DGKH: variants seen among roughly 807,000 people sequenced by gnomAD.
DGKH encodes diacylglycerol kinase eta, also known as DAG kinase eta.
Under a neutral mutation model 159.3 loss-of-function variants are expected in DGKH, and 90 were observed. The observed-to-expected ratio is 0.57, with a 90% confidence interval of 0.48 to 0.67. The LOEUF is 0.67. Ranked by LOEUF, DGKH falls within the 30% of genes least tolerant of loss-of-function variation. The probability of loss-of-function intolerance (pLI) is 0.00; values close to 1 mark genes in which losing one functional copy is unlikely to be tolerated. For synonymous variants in DGKH, 536 were observed against 553.8 expected (o/e 0.97, Z 0.45); for missense variants, 1,181 against 1,506.1 (o/e 0.78, Z 3.57).
At chr13:42,097,069 C>T (rs769589697) in intron 1 of DGKH, among the ~76,000 whole-genome samples, 1 of 152,176 alleles carries the variant, frequency 6.6e-6, no homozygotes, top group Non-Finnish European at 1.5e-5. Flanking sequence ...TTTCCCCAGC[C>T]TTTCCCTCCG....
intron 7 of DGKH, among the ~76,000 whole-genome samples, chr13:42,165,025 C>T (rs1956277469): frequency 6.6e-6 from 1 of 152,164 alleles, no homozygotes; most frequent in Non-Finnish European, 1.5e-5. Flanking sequence ...TTTCTCTTCT[C>T]TGCCTCCCTT....
chr13:42,217,619 CATA>C (rs961332366), intron 26 of DGKH, among the ~76,000 whole-genome samples: 3 of 151,916 alleles, frequency 2.0e-5, no homozygotes, highest in Non-Finnish European at 4.4e-5. Context: ...AAAAAAAGTT[CATA>C]ATAACAGTAA....
Position 42,215,659 on chromosome 13 carries a change from G to A in DGKH, c.3205G>A (p.Val1069Ile). The A allele has an allele frequency of 6.2e-7, 1 of 1,609,144 alleles. No homozygotes were observed. The highest frequency in any genetic ancestry group is 8.5e-7 in the Non-Finnish European group (1 of 1,177,072). ...AACAGAATCTTTGCTAGTTGGCAGGGTTCCTTTGGTAAGGAAAAGAATGAC... is the reference window on the plus strand; with the variant it reads ...AACAGAATCTTTGCTAGTTGGCAGGATTCCTTTGGTAAGGAAAAGAATGAC... Reference protein sequence around the residue: ...NETESLLVGRVPLQLESPHEE... With the variant: ...NETESLLVGRIPLQLESPHEE... The change falls in exon 26 of 30, where the codon GTT becomes ATT. Residue 1069 changes from valine to isoleucine, a missense_variant. Val to Ile is a conservative substitution (Grantham distance 29). Around this residue, in one of 5 missense-constraint regions of DGKH, gnomAD observed 335 missense variants for 495.2 expected, o/e 0.68. Coordinates refer to ENST00000337343, the MANE Select transcript of DGKH (RefSeq NM_178009.5).
At position 42,229,332 on chromosome 13, in the gene DGKH, G is replaced by C. The variant is rs1958230879; in HGVS notation, c.*144G>C. ...TGTGGCTTGATATTTTGCTGTGGGT[G>C]AAATTTTGATTTGAGGTATTAGAAA... is the stretch of plus-strand genomic sequence containing the variant. On this transcript the variant is annotated 3_prime_UTR_variant, in exon 30 of 30. Transcript: ENST00000337343. 1.5e-6 allele frequency: 1 copy of C among 678,860 alleles called. No individual in the cohort carries two copies. The highest frequency in any genetic ancestry group is 1.9e-5 in the African/African-American group (1 of 52,014). The allele number at this position is 678,860 out of a possible 1,614,324, so 42.1% of individuals were successfully genotyped here.
chr13:42,190,615 T>C (rs1957041759), intron 16 of DGKH, 90 bp downstream of exon 16: 1 of 1,234,006 alleles, frequency 8.1e-7, no homozygotes, highest in East Asian at 2.9e-5. Context: ...TGAAAAAAAC[T>C]ATTTGTATTT....
At chr13:42,120,470 T>A (rs1339165694) in intron 1 of DGKH, among the ~76,000 whole-genome samples, 1 of 152,198 alleles carries the variant, frequency 6.6e-6, no homozygotes, top group Non-Finnish European at 1.5e-5. Flanking sequence ...GTTATATAAT[T>A]ATTAACTACT....
At chr13:42,071,216 A>T (rs1372015953) in intron 1 of DGKH, 19 of 430,234 alleles carry the variant, frequency 4.4e-5, no homozygotes, top group Middle Eastern at 6.9e-4. Context: ...ATGCTTCCAC[A>T]GCAAGATGGT....
In DGKH at chr13:42,241,672, GTATA is replaced by G. The variant is rs1958516490; in HGVS notation, c.*12485_*12488del. 1 of 152,168 alleles carries G rather than the reference GTATA, an allele frequency of 6.6e-6. No individual in the cohort carries two copies. The allele number at this position is 152,168 out of a possible 1,614,324, so 9.4% of individuals were successfully genotyped here. On this transcript the variant is annotated 3_prime_UTR_variant, in exon 30 of 30. Coordinates refer to ENST00000337343, the MANE Select transcript of DGKH (RefSeq NM_178009.5). Reference sequence around the variant, plus strand: ...AGAAGGGAAAAAGTAATGCTTTCTGGTATACTTCAGAGGCTCCATTTGAAGATGT... The same window carrying G: ...AGAAGGGAAAAAGTAATGCTTTCTGGCTTCAGAGGCTCCATTTGAAGATGT...
At chr13:42,213,215 A>G (rs1330325476) in intron 24 of DGKH, among the ~76,000 whole-genome samples, 1 of 152,202 alleles carries the variant, frequency 6.6e-6, no homozygotes, top group Non-Finnish European at 1.5e-5. Context: ...AAAGATAGAA[A>G]GGACAAGCAA....
chr13:42,221,535 C>T, intron 29 of DGKH, 141 bp downstream of exon 29: 1 of 1,108,684 alleles, frequency 9.0e-7, no homozygotes, highest in South Asian at 1.7e-5. Flanking sequence ...GTCCTGTGGT[C>T]TGAGTTTCTT....
At chr13:42,070,609 G>A (rs1257940016) in intron 1 of DGKH, 5 of 1,606,724 alleles carry the variant, frequency 3.1e-6, no homozygotes, top group African/African-American at 1.3e-5. Flanking sequence ...CAAGTCTTCA[G>A]TATTAATGAA....
intron 1 of DGKH, among the ~76,000 whole-genome samples, chr13:42,098,351 G>A (rs1376850812): frequency 1.3e-5 from 2 of 152,132 alleles, no homozygotes. Context: ...GCTGGGCATG[G>A]TGGCACATGC....
chr13:42,175,057 T>G (rs1291444882), intron 12 of DGKH, among the ~76,000 whole-genome samples: 1 of 152,204 alleles, frequency 6.6e-6, no homozygotes, highest in Non-Finnish European at 1.5e-5. Context: ...AAAGGATTAG[T>G]CTCTGACTCA....
intron 1 of DGKH, among the ~76,000 whole-genome samples, chr13:42,064,889 T>A (rs999572418): frequency 2.0e-5 from 3 of 152,044 alleles, no homozygotes; most frequent in Non-Finnish European, 1.5e-5. Context: ...TTTTTTTTTT[T>A]AAATTTACAA....
chr13:42,252,308 G>A (rs1468429189), intron 29 of DGKH: 1 of 152,076 alleles, frequency 6.6e-6, no homozygotes, highest in Non-Finnish European at 1.5e-5. Context: ...ACTAATAAAA[G>A]CATGTAGAAT....
At chr13:42,166,722 T>G (rs964240361) in intron 9 of DGKH, 48 bp downstream of exon 9, 1 of 1,405,660 alleles carries the variant, frequency 7.1e-7, no homozygotes, top group Non-Finnish European at 9.3e-7. Context: ...TAGGACTAGG[T>G]GTTAAATGTG....
At chr13:42,112,759 T>C (rs1322178898) in intron 1 of DGKH, among the ~76,000 whole-genome samples, 1 of 152,216 alleles carries the variant, frequency 6.6e-6, no homozygotes, top group East Asian at 1.9e-4. Context: ...GGGGACATCA[T>C]TCTCTGAAGC....
At chr13:42,179,621 C>T (rs1245616729) in intron 13 of DGKH, among the ~76,000 whole-genome samples, 1 of 151,934 alleles carries the variant, frequency 6.6e-6, no homozygotes, top group African/African-American at 2.4e-5. Context: ...TCAAAGTATA[C>T]ATACTAAAAT....
chr13:42,157,895 G>A (rs1245394653), intron 5 of DGKH, among the ~76,000 whole-genome samples: 2 of 152,176 alleles, frequency 1.3e-5, no homozygotes, highest in African/African-American at 4.8e-5. Context: ...GAGTAGCTGG[G>A]ATTACAGGCA....
Sources: gnomAD v4.1 joint callset for allele counts (sites outside exome capture counted in the v4.1 genomes callset) on GRCh38, gnomAD v4.1.1 for gene constraint, gnomAD v4.1.1 regional missense constraint, MANE v1.5 for transcripts, NCBI Gene and HGNC (gene_info 2026-07-23, HGNC 2026-07-21) for gene names.